Variants in ZCCHC17 observed in about 807,000 individuals in gnomAD.
ZCCHC17 encodes zinc finger CCHC domain-containing protein 17.
ZCCHC17 carries 18 observed loss-of-function variants against 30.6 expected under a neutral mutation model. That is an observed-to-expected ratio of 0.59 (90% CI 0.41 to 0.87). ZCCHC17 has a LOEUF of 0.87. Ranked by LOEUF, ZCCHC17 falls within the 40% of genes least tolerant of loss-of-function variation. The pLI is 0.00. For synonymous variants in ZCCHC17, 88 were observed against 92.4 expected (o/e 0.95, Z 0.27); for missense variants, 263 against 284.2 (o/e 0.93, Z 0.54).
At chr1:31,346,171 A>T (rs1270417994) in intron 5 of ZCCHC17, among the ~76,000 whole-genome samples, 1 of 152,134 alleles carries the variant, frequency 6.6e-6, no homozygotes, top group Non-Finnish European at 1.5e-5. Context: ...AGAGAGGGGG[A>T]GAACTGCCTG....
chr1:31,347,515 C>G (rs1245859753), intron 6 of ZCCHC17, among the ~76,000 whole-genome samples: 3 of 152,180 alleles, frequency 2.0e-5, no homozygotes, highest in African/African-American at 7.2e-5. Flanking sequence ...AGAATACCTC[C>G]TCAGGAAAAC....
intron 3 of ZCCHC17, among the ~76,000 whole-genome samples, chr1:31,330,626 A>G (rs1286104284): frequency 6.6e-6 from 1 of 152,298 alleles, no homozygotes; most frequent in East Asian, 1.9e-4. Flanking sequence ...AATAATAAAA[A>G]TGGGGAAAAT....
In ZCCHC17 at chr1:31,354,244, A is replaced by G. The variant is rs147502642; in HGVS notation, c.564+5270A>G. Among the ~76,000 whole-genome samples the G allele has an allele frequency of 1.7e-3, 263 of 152,064 alleles. 2 individuals carry two copies. The highest frequency in any genetic ancestry group is 6.1e-3 in the African/African-American group (254 of 41,462). On this transcript the variant is annotated intron_variant, in intron 7 of 7. Coordinates refer to ENST00000344147, the MANE Select transcript of ZCCHC17 (RefSeq NM_016505.4). Reference sequence around the variant, plus strand: ...ATTTTTTTTCTGATTGCTCCTTGCTACTGTATAGAAACACAACTGATTTTA... The same window carrying G: ...ATTTTTTTTCTGATTGCTCCTTGCTGCTGTATAGAAACACAACTGATTTTA...
In ZCCHC17 at chr1:31,348,959, T is replaced by C; in HGVS notation, c.549T>C (p.Ser183=). 2 of 1,575,720 alleles carry C rather than the reference T, an allele frequency of 1.3e-6. No homozygotes were observed. Among genetic ancestry groups the C allele is most frequent in the Non-Finnish European group, 8.6e-7 (1 of 1,167,826 alleles). ...AGCCTGACCCTACAAGGAATCCTTC[T>C]AGAAAAAGAAAGAAGGTGAATGCTA... ...FEKPDPTRNP[S]RKRKKEKKKK... Residue 183 remains serine, a synonymous_variant, in exon 7 of 8, where the codon TCT becomes TCC. Coordinates refer to ENST00000344147, the MANE Select transcript of ZCCHC17 (RefSeq NM_016505.4).
intron 5 of ZCCHC17, 55 bp from the exon 6 acceptor site, chr1:31,346,585 T>G (rs900288563): frequency 2.0e-6 from 3 of 1,517,678 alleles, no homozygotes; most frequent in Non-Finnish European, 2.7e-6. Flanking sequence ...TACCTTGTAG[T>G]ATCTCTGGCC....
rs1476864781 is a variant in ZCCHC17 at position 31,323,895 on chromosome 1, C to A, written c.124+4729C>A. Among the ~76,000 whole-genome samples the A allele has an allele frequency of 3.3e-5, 5 of 152,200 alleles. No homozygotes were observed. The Middle Eastern group carries it at 0.014, about 414-fold the overall frequency. On this transcript the variant is annotated intron_variant, in intron 3 of 7. Coordinates refer to ENST00000344147, the MANE Select transcript of ZCCHC17 (RefSeq NM_016505.4). ...CTTATTACCCTTTAATCCAGAAATT[C>A]TTTGAAGAATTTAGTGTAAGTAGAG... is the stretch of plus-strand genomic sequence containing the variant.
At chr1:31,331,229 A>G (rs1360300614) in intron 3 of ZCCHC17, among the ~76,000 whole-genome samples, 2 of 151,430 alleles carry the variant, frequency 1.3e-5, no homozygotes, top group African/African-American at 2.4e-5. Flanking sequence ...TGCAACCTCC[A>G]TCTCCGGTTC....
chr1:31,364,247 C>T lies in ZCCHC17; in HGVS notation c.*54C>T. ...GAGTAAGAAACCAGGAGCCTTGTGC[C>T]TTGAGACTCCTGGAAAGACTCAATA... is the stretch of plus-strand genomic sequence containing the variant. On this transcript the variant is annotated 3_prime_UTR_variant, in exon 8 of 8. Transcript: ENST00000344147. 1 of 1,560,532 alleles carries T rather than the reference C, an allele frequency of 6.4e-7. No homozygotes were observed. The highest frequency in any genetic ancestry group is 8.6e-7 in the Non-Finnish European group (1 of 1,156,830).
At chr1:31,321,705 A>T (rs1646865838) in intron 3 of ZCCHC17, among the ~76,000 whole-genome samples, 1 of 152,086 alleles carries the variant, frequency 6.6e-6, no homozygotes, top group Non-Finnish European at 1.5e-5. Flanking sequence ...GTCCTCCAGT[A>T]ATCTGCCCTC....
intron 7 of ZCCHC17, among the ~76,000 whole-genome samples, chr1:31,363,008 G>A (rs1344867844): frequency 6.6e-6 from 1 of 152,038 alleles, no homozygotes; most frequent in South Asian, 2.1e-4. Context: ...ACACAAGTAT[G>A]TGTAACATAC....
intron 3 of ZCCHC17, among the ~76,000 whole-genome samples, chr1:31,330,327 C>T (rs952247488): frequency 6.6e-6 from 1 of 152,196 alleles, no homozygotes; most frequent in Non-Finnish European, 1.5e-5. Context: ...TTTTTACCAG[C>T]AGACACTCAG....
At chr1:31,298,373 A>G (rs762430120) in intron 1 of ZCCHC17, among the ~76,000 whole-genome samples, 248 of 120,008 alleles carry the variant, frequency 2.1e-3, no homozygotes, top group Non-Finnish European at 3.3e-3. Context: ...ATGATTAGAG[A>G]CCAGTTTTTT....
At chr1:31,315,000 A>G (rs1462585550) in intron 2 of ZCCHC17, among the ~76,000 whole-genome samples, 1 of 152,098 alleles carries the variant, frequency 6.6e-6, no homozygotes, top group Non-Finnish European at 1.5e-5. Flanking sequence ...GAGTTATAGG[A>G]GGAATATAGA....
Position 31,338,659 on chromosome 1 carries a change from T to A in ZCCHC17, c.226-298T>A, listed in dbSNP as rs141199830. Among the ~76,000 whole-genome samples the A allele has an allele frequency of 3.9e-3, 588 of 152,358 alleles. 4 individuals are homozygous for A. The highest frequency in any genetic ancestry group is 7.2e-3 in the Non-Finnish European group (493 of 68,022). On this transcript the variant is annotated intron_variant, in intron 4 of 7. Transcript: ENST00000344147. ...ATCTCAACAAATCACTATGCTGAAC[T>A]TACCTGGAAGAAAAACTTTTATTTT...
chr1:31,346,313 A>C (rs970671578), intron 5 of ZCCHC17, among the ~76,000 whole-genome samples: 3 of 152,162 alleles, frequency 2.0e-5, no homozygotes, highest in African/African-American at 7.2e-5. Flanking sequence ...CAAGGTAAAG[A>C]ATTTGGAGCT....
chr1:31,363,882 T>TG (rs1640026649), intron 7 of ZCCHC17, 150 bp from the exon 8 acceptor site: 1 of 1,298,612 alleles, frequency 7.7e-7, no homozygotes, highest in South Asian at 1.7e-5. Flanking sequence ...AGGTTGATCT[T>TG]GAACTCCTGG....
intron 3 of ZCCHC17, among the ~76,000 whole-genome samples, chr1:31,334,303 A>ATCTCTCTCTCTCTC (rs373770669): frequency 1.6e-4 from 8 of 51,594 alleles, no homozygotes; most frequent in South Asian, 1.7e-3. Context: ...ATCCATGTGC[A>ATCTCTCTCTCTCTC]TCTCTCTCTC....
At chr1:31,323,041 A>G (rs1187175834) in intron 3 of ZCCHC17, among the ~76,000 whole-genome samples, 1 of 151,820 alleles carries the variant, frequency 6.6e-6, no homozygotes, top group African/African-American at 2.4e-5. Flanking sequence ...TTCTAACCCT[A>G]TCTAATCACA....
chr1:31,317,794 C>T (rs1557432651), intron 2 of ZCCHC17, among the ~76,000 whole-genome samples: 1 of 152,158 alleles, frequency 6.6e-6, no homozygotes, highest in Non-Finnish European at 1.5e-5. Context: ...ACTTCATTTG[C>T]AACATAAGGA....
Sources: gnomAD v4.1 joint callset for allele counts (sites outside exome capture counted in the v4.1 genomes callset) on GRCh38, gnomAD v4.1.1 for gene constraint, MANE v1.5 for transcripts, NCBI Gene and HGNC (gene_info 2026-07-23, HGNC 2026-07-21) for gene names.